The following RASA3 variants were observed in gnomAD, a reference collection of about 807,000 sequenced individuals.
The protein encoded by RASA3 is RAS p21 protein activator 3.
A neutral mutation model predicts 110.0 loss-of-function variants in RASA3; 73 were observed. The ratio of observed to expected loss-of-function variants is 0.66; its 90% CI spans 0.55 to 0.81. RASA3 has a LOEUF of 0.81. RASA3 is among the 30% of genes least tolerant of loss of function. RASA3 has a pLI of 0.00. For synonymous variants in RASA3, 500 were observed against 451.4 expected (o/e 1.11, Z -1.37); for missense variants, 976 against 1,113.2 (o/e 0.88, Z 1.75).
intron 1 of RASA3, chr13:114,078,116 G>T: frequency 1.7e-6 from 1 of 594,896 alleles, no homozygotes; most frequent in Non-Finnish European, 2.1e-6. Flanking sequence ...GGCTGCTGCA[G>T]CACGGCCTGG....
intron 1 of RASA3, among the ~76,000 whole-genome samples, chr13:114,101,974 C>T (rs2080065767): frequency 6.6e-6 from 1 of 152,160 alleles, no homozygotes; most frequent in Non-Finnish European, 1.5e-5. Flanking sequence ...GCGGGGGTCT[C>T]AGTTTCCAAG....
chr13:114,043,007 C>G (rs926338173), intron 3 of RASA3, among the ~76,000 whole-genome samples: 1 of 152,220 alleles, frequency 6.6e-6, no homozygotes, highest in African/African-American at 2.4e-5. Context: ...CAGGACGCAT[C>G]TTCCCTCAGG....
chr13:114,125,465 G>A (rs1053267661), intron 1 of RASA3, among the ~76,000 whole-genome samples: 1 of 152,106 alleles, frequency 6.6e-6, no homozygotes, highest in Non-Finnish European at 1.5e-5. Flanking sequence ...GTGTGCCACC[G>A]GATCTCACGA....
At chr13:114,076,699 C>G (rs1432645526) in intron 1 of RASA3, among the ~76,000 whole-genome samples, 2 of 152,076 alleles carry the variant, frequency 1.3e-5, no homozygotes, top group Non-Finnish European at 2.9e-5. Flanking sequence ...GTTGAGGTTC[C>G]CGGAGCAGAC....
intron 3 of RASA3, among the ~76,000 whole-genome samples, chr13:114,045,202 G>A (rs188140714): frequency 1.8e-4 from 28 of 152,268 alleles, no homozygotes; most frequent in Admixed American, 5.9e-4. Context: ...TAAAAGCCAC[G>A]GCGTCTACTT....
At chr13:114,025,316 G>T (rs1358514963) in intron 7 of RASA3, among the ~76,000 whole-genome samples, 2 of 152,162 alleles carry the variant, frequency 1.3e-5, no homozygotes, top group Non-Finnish European at 2.9e-5. Context: ...GGCTGCTGAC[G>T]CCTCCTCCTT....
intron 2 of RASA3, among the ~76,000 whole-genome samples, chr13:114,060,589 G>A (rs373504278): frequency 3.9e-5 from 6 of 152,358 alleles, no homozygotes; most frequent in African/African-American, 1.2e-4. Context: ...AGGGGCTCCT[G>A]CAGGAGGTGA....
At chr13:114,019,044 G>A (rs1351728834) in intron 9 of RASA3, 125 bp from the exon 10 acceptor site, 92 of 1,242,562 alleles carry the variant, frequency 7.4e-5, no homozygotes, top group Non-Finnish European at 9.7e-5. Flanking sequence ...GGACCCCTCA[G>A]AGTGCAGCCC....
intron 1 of RASA3, among the ~76,000 whole-genome samples, chr13:114,088,811 A>C (rs905590725): frequency 3.3e-5 from 5 of 152,140 alleles, no homozygotes; most frequent in South Asian, 2.1e-4. Flanking sequence ...TGGCCTCCCA[A>C]AGTGCTGGGA....
chr13:114,129,184 C>T (rs1030059667), intron 1 of RASA3, among the ~76,000 whole-genome samples: 5 of 152,324 alleles, frequency 3.3e-5, no homozygotes, highest in Admixed American at 2.0e-4. Context: ...CTCAAAGCAG[C>T]GATCGCATAG....
intron 2 of RASA3, 67 bp from the exon 3 acceptor site, chr13:114,052,222 C>T (rs2079157557): frequency 5.7e-6 from 6 of 1,053,624 alleles, no homozygotes; most frequent in East Asian, 2.5e-5. Flanking sequence ...CCGGGGCACA[C>T]ACGTGTGGTC....
chr13:114,105,771 G>A (rs1191986150), intron 1 of RASA3, among the ~76,000 whole-genome samples: 2 of 152,194 alleles, frequency 1.3e-5, no homozygotes, highest in Admixed American at 6.5e-5. Context: ...GCATATTTAC[G>A]GTGTCTTCTC....
rs998081158 is a variant in RASA3, at chr13:114,070,540, C to T, written c.173+3180G>A. Among the ~76,000 whole-genome samples, 30 of 152,216 alleles carry T rather than the reference C, an allele frequency of 2.0e-4. 1 individual carries two copies. The highest frequency in any genetic ancestry group is 1.5e-5 in the Non-Finnish European group (1 of 68,032). On this transcript the variant is annotated intron_variant, in intron 2 of 23. Transcript: ENST00000334062. Reference sequence around the variant, plus strand: ...TGGGTTGATTTGCGTTTTGCCCTCACACTACAGGGGCGGCCAGCCCGCACA... The same window carrying T: ...TGGGTTGATTTGCGTTTTGCCCTCATACTACAGGGGCGGCCAGCCCGCACA...
chr13:114,055,051 C>T (rs1214157894), intron 2 of RASA3, among the ~76,000 whole-genome samples: 3 of 151,934 alleles, frequency 2.0e-5, no homozygotes, highest in East Asian at 3.9e-4. Context: ...CATGCATGTG[C>T]CTGTACGTGT....
intron 21 of RASA3, 93 bp downstream of exon 21, chr13:113,996,438 C>T (rs1435758932): frequency 6.4e-6 from 8 of 1,251,046 alleles, no homozygotes; most frequent in East Asian, 2.5e-5. Flanking sequence ...AGCTTACAGG[C>T]AGGCATGCAC....
intron 1 of RASA3, among the ~76,000 whole-genome samples, chr13:114,100,848 A>C (rs117769124): frequency 0.024 from 3,695 of 152,344 alleles, 76 homozygotes; most frequent in Middle Eastern, 0.065. Flanking sequence ...CCACCTGGAG[A>C]GGCTGCTAGT....
intron 17 of RASA3, 121 bp downstream of exon 17, chr13:114,009,266 T>C: frequency 1.2e-6 from 1 of 824,458 alleles, no homozygotes; most frequent in Admixed American, 2.0e-5. Flanking sequence ...ACCGAACGCC[T>C]TTATTGTTTA....
At chr13:114,000,753 C>T (rs2053375396) in intron 19 of RASA3, 73 bp downstream of exon 19, 1 of 1,167,038 alleles carries the variant, frequency 8.6e-7, no homozygotes, top group East Asian at 2.3e-5. Flanking sequence ...AGCTCTCCCC[C>T]TGAAAAAGCA....
chr13:114,062,835 G>C (rs2079384129), intron 2 of RASA3, among the ~76,000 whole-genome samples: 1 of 152,254 alleles, frequency 6.6e-6, no homozygotes, highest in Admixed American at 6.5e-5. Context: ...CCCTGGAGAG[G>C]AAGGACGCCT....
Sources: allele counts gnomAD v4.1 joint callset (sites outside exome capture counted in the v4.1 genomes callset), GRCh38; gene constraint gnomAD v4.1.1; transcripts MANE v1.5; gene names NCBI Gene and HGNC (gene_info 2026-07-23, HGNC 2026-07-21).